XPNPEP1: variants seen among roughly 807,000 people sequenced by gnomAD.
XPNPEP1 encodes the protein xaa-Pro aminopeptidase 1.
Under a neutral mutation model 92.4 loss-of-function variants are expected in XPNPEP1, and 39 were observed. The observed-to-expected ratio is 0.42, with a 90% CI of 0.33 to 0.55. The LOEUF (loss-of-function observed/expected upper bound fraction) is 0.55, where lower values mean the gene tolerates loss of function less well. XPNPEP1 is among the 20% of genes least tolerant of loss of function. The pLI is 0.08. For missense variants in XPNPEP1, 654 were observed against 856.1 expected (o/e 0.76, Z 2.95); for synonymous variants, 307 against 299.4 (o/e 1.03, Z -0.26).
intron 1 of XPNPEP1, among the ~76,000 whole-genome samples, chr10:109,918,876 GA>G (rs2133581110): frequency 1.0e-5 from 1 of 99,718 alleles, no homozygotes; most frequent in African/African-American, 5.0e-5. Context: ...AGGAAGGAAG[GA>G]AGGAAGGAAG....
chr10:109,905,918 T>G (rs923456219), intron 3 of XPNPEP1, among the ~76,000 whole-genome samples: 1 of 152,206 alleles, frequency 6.6e-6, no homozygotes, highest in Non-Finnish European at 1.5e-5. Context: ...GCTTATTCAT[T>G]TCAAGCCCTT....
chr10:109,869,708 T>C (rs749110623), intron 19 of XPNPEP1: 2 of 411,672 alleles, frequency 4.9e-6, no homozygotes, highest in South Asian at 3.0e-5. Flanking sequence ...AAGGATTTTC[T>C]TTCTGGCTTT....
intron 12 of XPNPEP1, among the ~76,000 whole-genome samples, chr10:109,878,668 G>A (rs1019632697): frequency 2.6e-5 from 4 of 151,434 alleles, no homozygotes; most frequent in Admixed American, 6.6e-5. Flanking sequence ...TAGGTGGATC[G>A]CTTGAGCCCA....
At chr10:109,878,920 G>A (rs759755964) in intron 12 of XPNPEP1, among the ~76,000 whole-genome samples, 3 of 151,548 alleles carry the variant, frequency 2.0e-5, no homozygotes, top group African/African-American at 4.8e-5. Flanking sequence ...TGCACACTAA[G>A]AGACATGTAA....
intron 14 of XPNPEP1, 159 bp from the exon 15 acceptor site, chr10:109,875,758 A>C (rs1233812168): frequency 1.7e-6 from 1 of 576,562 alleles, no homozygotes; most frequent in Non-Finnish European, 3.0e-6. Context: ...TATTTCAACT[A>C]ATATTAAACT....
At position 109,918,069 on chromosome 10, in the gene XPNPEP1, G is replaced by A. The variant is rs759938201; in HGVS notation, c.33-2970C>T. ...GTCAAGGCTGCAGTGAGCCATGATA[G>A]CACCACTGCACTCCAGCTTGGGTTA... On this transcript the variant is annotated intron_variant, in intron 1 of 20. Coordinates refer to ENST00000502935, the MANE Select transcript of XPNPEP1 (RefSeq NM_020383.4). Among the ~76,000 whole-genome samples, 32 of 151,476 alleles carry A rather than the reference G, an allele frequency of 2.1e-4. 1 individual carries two copies. Among genetic ancestry groups the A allele is most frequent in the Admixed American group, 1.3e-3 (20 of 15,192 alleles).
Position 109,882,544 on chromosome 10 carries a change from G to A in XPNPEP1, c.929C>T (p.Pro310Leu), listed in dbSNP as rs779423504. Residue 310 changes from proline to leucine, a missense_variant, in exon 10 of 21, where the codon CCC becomes CTC. Coordinates refer to ENST00000502935, the MANE Select transcript of XPNPEP1 (RefSeq NM_020383.4). The stretch of plus-strand genomic sequence containing the variant: ...GAGCTCGCTCAGGATGGACTTGTAG[G>A]GATGCACCTGGATCCTGTATTCGGC... ...LEAEYRIQVH[P>L]YKSILSELKA... 6.2e-7 allele frequency: 1 copy of A among 1,614,188 alleles called. No homozygotes were observed.
intron 3 of XPNPEP1, among the ~76,000 whole-genome samples, chr10:109,900,452 T>G (rs1488234155): frequency 6.6e-6 from 1 of 152,128 alleles, no homozygotes; most frequent in Non-Finnish European, 1.5e-5. Context: ...TCGCCCCAAC[T>G]ATGTGGCTCT....
intron 9 of XPNPEP1, among the ~76,000 whole-genome samples, 156 bp from the exon 10 acceptor site, chr10:109,882,798 A>T (rs1424198670): frequency 6.6e-6 from 1 of 152,110 alleles, no homozygotes; most frequent in Non-Finnish European, 1.5e-5. Flanking sequence ...CTGCCCTCCA[A>T]GGTGCATTCC....
At chr10:109,870,978 A>T in intron 17 of XPNPEP1, 74 bp from the exon 18 acceptor site, 1 of 1,510,198 alleles carries the variant, frequency 6.6e-7, no homozygotes, top group Non-Finnish European at 8.9e-7. Flanking sequence ...GTGTGGCTCC[A>T]GAACGTGAAA....
At chr10:109,916,995 C>T (rs562105164) in intron 1 of XPNPEP1, among the ~76,000 whole-genome samples, 1 of 152,202 alleles carries the variant, frequency 6.6e-6, no homozygotes, top group Admixed American at 6.5e-5. Flanking sequence ...TATTACAAAA[C>T]CTACAGCTAA....
chr10:109,886,240 A>C lies in XPNPEP1; in HGVS notation c.748+6T>G. ...CATGCCCAAACAGCGAAACCAGAGC[A>C]CTCACACGCAATCTCATCCAAGGCA... On this transcript the variant is annotated splice_donor_region_variant and intron_variant, in intron 8 of 20. Transcript: ENST00000502935. 1 of 1,613,962 alleles carries C rather than the reference A, an allele frequency of 6.2e-7. No homozygotes were observed. The highest frequency in any genetic ancestry group is 8.5e-7 in the Non-Finnish European group (1 of 1,179,900).
rs532411476 is a variant in XPNPEP1 at position 109,867,692 on chromosome 10, C to T, written c.1872+922G>A. ...GGAAATGTTCCTGCCTTGAGAGGCA[C>T]TCAAAGGCCATTGGCTGCCTCAGAT... On this transcript the variant is annotated intron_variant, in intron 20 of 20. Transcript: ENST00000502935. This position sits in a 1 kb window ranked among gnomAD's most constrained non-coding sequence, Gnocchi z 4.5. Among the ~76,000 whole-genome samples the T allele has an allele frequency of 6.6e-6, 1 of 152,362 alleles. No individual in the cohort carries two copies. Among genetic ancestry groups the T allele is most frequent in the East Asian group, 1.9e-4 (1 of 5,184 alleles).
chr10:109,868,638 A>G lies in XPNPEP1; in HGVS notation c.1848T>C (p.Asp616=). The change falls in exon 20 of 21, where the codon GAT becomes GAC. Residue 616 remains aspartate, a synonymous_variant. Coordinates refer to ENST00000502935, the MANE Select transcript of XPNPEP1 (RefSeq NM_020383.4). The part of the protein sequence containing the change: ...TLVPIQTKMI[D]VDSLTDKECD... ...CCTCTTTGTCTGTAAGAGAATCCAC[A>G]TCTATCATTTTGGTCTGAATTGGAA... 6.2e-7 allele frequency: 1 copy of G among 1,613,966 alleles called. No individual in the cohort carries two copies. Among genetic ancestry groups the G allele is most frequent in the South Asian group, 1.1e-5 (1 of 91,058 alleles).
chr10:109,868,489 A>T (rs1847265904), intron 20 of XPNPEP1, 125 bp downstream of exon 20: 9 of 924,412 alleles, frequency 9.7e-6, no homozygotes, highest in African/African-American at 1.7e-5. Context: ...CTAGACCTCT[A>T]AATTTAAAAA....
chr10:109,891,673 C>G (rs776697232), intron 5 of XPNPEP1, 49 bp downstream of exon 5: 2 of 1,461,246 alleles, frequency 1.4e-6, no homozygotes, highest in African/African-American at 1.4e-5. Flanking sequence ...TCTAGGATCC[C>G]TGCCCAGATC....
At chr10:109,875,284 T>C (rs937671341) in intron 15 of XPNPEP1, among the ~76,000 whole-genome samples, 1 of 152,254 alleles carries the variant, frequency 6.6e-6, no homozygotes, top group Non-Finnish European at 1.5e-5. Flanking sequence ...TGTTTACTTA[T>C]ATTTTTAAAA....
chr10:109,866,189 G>A (rs759061204), intron 20 of XPNPEP1, among the ~76,000 whole-genome samples: 5 of 152,204 alleles, frequency 3.3e-5, no homozygotes, highest in South Asian at 2.1e-4. Flanking sequence ...GGAGGGCAGC[G>A]ATGTTACAGA....
chr10:109,871,918 G>A, intron 16 of XPNPEP1, 57 bp from the exon 17 acceptor site: 2 of 1,523,168 alleles, frequency 1.3e-6, no homozygotes, highest in Non-Finnish European at 1.8e-6. Flanking sequence ...TAATCCTGTA[G>A]TTTTCTGGTA....
Sources: gnomAD v4.1 joint callset for allele counts (sites outside exome capture counted in the v4.1 genomes callset) on GRCh38, gnomAD v4.1.1 for gene constraint, Gnocchi (gnomAD v3.1) non-coding constraint, MANE v1.5 for transcripts, NCBI Gene and HGNC (gene_info 2026-07-23, HGNC 2026-07-21) for gene names.